The following HECTD4 variants were observed in gnomAD, a reference collection of about 807,000 sequenced individuals.
HECTD4 encodes probable E3 ubiquitin-protein ligase HECTD4.
In HECTD4, 114 loss-of-function variants were observed where a neutral mutation model predicts 471.5. The observed-to-expected ratio is 0.24, with a 90% CI of 0.21 to 0.28. The LOEUF (loss-of-function observed/expected upper bound fraction) is 0.28, where lower values mean the gene tolerates loss of function less well. HECTD4 is among the 10% of genes least tolerant of loss of function. HECTD4 has a pLI of 1.00. For missense variants in HECTD4, 3,866 were observed against 5,651.5 expected (o/e 0.68, Z 10.13); for synonymous variants, 2,012 against 2,256.0 (o/e 0.89, Z 3.07).
intron 1 of HECTD4, among the ~76,000 whole-genome samples, chr12:112,361,004 A>G (rs1327966045): frequency 6.6e-6 from 1 of 151,594 alleles, no homozygotes; most frequent in Admixed American, 6.6e-5. Context: ...AAAAAAAGGT[A>G]AGATCAAAAC....
chr12:112,163,764 G>C lies in HECTD4; in HGVS notation c.12702-27C>G. The C allele has an allele frequency of 1.4e-6, 2 of 1,429,756 alleles. No individual in the cohort carries two copies. Among genetic ancestry groups the C allele is most frequent in the Non-Finnish European group, 1.8e-6 (2 of 1,086,652 alleles). 88.6% of individuals were successfully genotyped at this position (1,429,756 alleles called of 1,614,324 possible). A position where few individuals can be genotyped will look rare whatever the true frequency, so the allele number is the denominator to read the frequency against. ...TGCCCGGGTGAGGAGCACAGGTGAG[G>C]GAGAACACCGCCGAAGAGGCTGGGT... On this transcript the variant is annotated intron_variant, in intron 73 of 75. Coordinates refer to ENST00000682272, the MANE Select transcript of HECTD4 (RefSeq NM_001388303.1). The surrounding 1 kb of genome is among the most constrained non-coding windows in gnomAD (Gnocchi z 8.2).
At chr12:112,234,251 T>C (rs1187573561) in intron 37 of HECTD4, among the ~76,000 whole-genome samples, 2 of 152,202 alleles carry the variant, frequency 1.3e-5, no homozygotes, top group African/African-American at 4.8e-5. Flanking sequence ...CTGAACTTGG[T>C]TCTCCAAAAA....
intron 60 of HECTD4, among the ~76,000 whole-genome samples, chr12:112,187,505 T>C (rs2031914969): frequency 6.6e-6 from 1 of 152,188 alleles, no homozygotes; most frequent in East Asian, 1.9e-4. Flanking sequence ...CCCAAAGTGC[T>C]GGGATTACAG....
intron 1 of HECTD4, among the ~76,000 whole-genome samples, chr12:112,379,883 C>T (rs990668722): frequency 7.9e-5 from 12 of 151,640 alleles, no homozygotes; most frequent in African/African-American, 2.7e-4. Flanking sequence ...ATCACCCATA[C>T]ACATACTAGT....
chr12:112,368,080 C>T (rs1336449911), intron 1 of HECTD4, among the ~76,000 whole-genome samples: 16 of 152,088 alleles, frequency 1.1e-4, no homozygotes, highest in Admixed American at 9.8e-4. Context: ...CATTACTAAA[C>T]CTACAATTTG....
At chr12:112,363,803 C>T (rs1033708846) in intron 1 of HECTD4, among the ~76,000 whole-genome samples, 8 of 151,250 alleles carry the variant, frequency 5.3e-5, no homozygotes, top group African/African-American at 1.9e-4. Flanking sequence ...GGTGAAACCC[C>T]ATCTCTACTA....
At chr12:112,310,959 C>T (rs184772575) in intron 4 of HECTD4, among the ~76,000 whole-genome samples, 1 of 152,164 alleles carries the variant, frequency 6.6e-6, no homozygotes. Flanking sequence ...TGGAATGTTT[C>T]AATATTAAAA....
intron 1 of HECTD4, among the ~76,000 whole-genome samples, chr12:112,337,497 A>G (rs1234212553): frequency 6.6e-6 from 1 of 152,252 alleles, no homozygotes; most frequent in African/African-American, 2.4e-5. Context: ...GATGGCATAG[A>G]GTAAAACTAC....
rs2031956368 is a variant in HECTD4, at chr12:112,188,311, A to T, written c.9472+2475T>A. On this transcript the variant is annotated intron_variant, in intron 60 of 75. Transcript: ENST00000682272. This position sits in a 1 kb window ranked among gnomAD's most constrained non-coding sequence, Gnocchi z 4.2. ...TTCAAAAAAATAAAATAAGTAAGTA[A>T]ATAAATGCTGACAGGCACAATTTGT... Among the ~76,000 whole-genome samples the T allele has an allele frequency of 6.6e-6, 1 of 152,160 alleles. No homozygotes were observed. The highest frequency in any genetic ancestry group is 1.5e-5 in the Non-Finnish European group (1 of 68,018).
At chr12:112,206,478 T>C (rs1022492354) in intron 52 of HECTD4, among the ~76,000 whole-genome samples, 11 of 150,914 alleles carry the variant, frequency 7.3e-5, no homozygotes, top group African/African-American at 2.7e-4. Context: ...CCAGTTAATA[T>C]AGAGCGAGAC....
intron 38 of HECTD4, among the ~76,000 whole-genome samples, chr12:112,232,405 C>T (rs1040784257): frequency 2.0e-5 from 3 of 152,212 alleles, no homozygotes; most frequent in African/African-American, 7.2e-5. Context: ...GCTGGGATTA[C>T]AGGCGTGAGC....
At chr12:112,327,398 TA>T (rs1401537801) in intron 1 of HECTD4, among the ~76,000 whole-genome samples, 5 of 151,798 alleles carry the variant, frequency 3.3e-5, no homozygotes, top group African/African-American at 1.2e-4. Context: ...TTATATTAAA[TA>T]AAACATTAAA....
rs2032914863 is a variant in HECTD4 at position 112,216,345 on chromosome 12, C to G, written c.7412G>C (p.Gly2471Ala). 1 of 1,555,372 alleles carries G rather than the reference C, an allele frequency of 6.4e-7. No individual in the cohort carries two copies. The highest frequency in any genetic ancestry group is 8.7e-7 in the Non-Finnish European group (1 of 1,148,910). ...GCTCTTCCACTGTAACAAACTGGAGCCATTATAGTGCACGGCTCGGCCGTT... is the reference window on the plus strand; with the variant it reads ...GCTCTTCCACTGTAACAAACTGGAGGCATTATAGTGCACGGCTCGGCCGTT... The part of the protein sequence containing the change: ...HNNGRAVHYN[G>A]SSLLQWKSVR... Residue 2471 changes from glycine (G) to alanine (A), a missense_variant, in exon 48 of 76, where the codon GGC becomes GCC. This residue lies in a region of HECTD4 where 617 missense variants were observed against 915.1 expected (regional missense o/e 0.67). Coordinates refer to ENST00000682272, the MANE Select transcript of HECTD4 (RefSeq NM_001388303.1).
Position 112,233,072 on chromosome 12 carries a change from G to A in HECTD4, c.5929C>T (p.Arg1977Trp). The change falls in exon 38 of 76, where the codon CGG becomes TGG. Residue 1977 changes from arginine to tryptophan, a missense_variant. This residue lies in a region of HECTD4 where 617 missense variants were observed against 915.1 expected (regional missense o/e 0.67). Coordinates refer to ENST00000682272, the MANE Select transcript of HECTD4 (RefSeq NM_001388303.1). ...GCGCCAGTACCAAGTCGGAAGGGCC[G>A]TCCTTCTGAACTACTGAAAAAAGGC... ...LQPLLSSSEG[R>W]PFRLGTGANM... 1.2e-6 allele frequency: 2 copies of A among 1,608,844 alleles called. No homozygotes were observed. Among genetic ancestry groups the A allele is most frequent in the Non-Finnish European group, 8.5e-7 (1 of 1,177,632 alleles).
chr12:112,212,984 C>T (rs1258938390), intron 48 of HECTD4, among the ~76,000 whole-genome samples: 1 of 152,130 alleles, frequency 6.6e-6, no homozygotes, highest in African/African-American at 2.4e-5. Context: ...TTAGTAGAGA[C>T]AGGGTTTTGC....
intron 1 of HECTD4, among the ~76,000 whole-genome samples, chr12:112,366,241 G>A (rs1481508988): frequency 6.6e-6 from 1 of 152,082 alleles, no homozygotes; most frequent in Non-Finnish European, 1.5e-5. Flanking sequence ...AGAGCACAGT[G>A]GCTCACATCT....
rs143053658 is a variant in HECTD4 at position 112,377,864 on chromosome 12, C to T, written c.177+4088G>A. ...CAGCCTGGGTAACAAGAATAAAACT[C>T]GGTCTCAAAAAAGAAAGAAAGAAAG... On this transcript the variant is annotated intron_variant, in intron 1 of 75. Transcript: ENST00000682272. Among the ~76,000 whole-genome samples, 688 of 151,554 alleles carry T rather than the reference C, an allele frequency of 4.5e-3. 8 individuals carry two copies. The highest frequency in any genetic ancestry group is 0.015 in the African/African-American group (624 of 41,302).
chr12:112,249,161 A>G (rs547390421), intron 25 of HECTD4, among the ~76,000 whole-genome samples: 1 of 152,170 alleles, frequency 6.6e-6, no homozygotes, highest in African/African-American at 2.4e-5. Flanking sequence ...TTGAGACCAG[A>G]CTGGCCAACG....
intron 48 of HECTD4, among the ~76,000 whole-genome samples, chr12:112,214,709 C>T (rs1254535377): frequency 6.6e-6 from 1 of 151,952 alleles, no homozygotes; most frequent in African/African-American, 2.4e-5. Context: ...CTACCACCCA[C>T]CCCCTGACAT....
Sources: allele counts gnomAD v4.1 joint callset (sites outside exome capture counted in the v4.1 genomes callset), GRCh38; gene constraint gnomAD v4.1.1; regional missense constraint gnomAD v4.1.1; non-coding constraint Gnocchi (gnomAD v3.1); transcripts MANE v1.5; gene names NCBI Gene and HGNC (gene_info 2026-07-23, HGNC 2026-07-21).